Variants in NKAIN3 observed in about 807,000 individuals in gnomAD.
The protein encoded by NKAIN3 is sodium/potassium transporting ATPase interacting 3, also known as sodium/potassium-transporting ATPase subunit beta-1-interacting protein 3.
Under a neutral mutation model 30.2 loss-of-function variants are expected in NKAIN3, and 25 were observed. The ratio of observed to expected loss-of-function variants is 0.83; its 90% CI spans 0.60 to 1.16. The LOEUF is 1.16. NKAIN3 is among the 50% of genes most tolerant of loss of function. The pLI, the probability that NKAIN3 is intolerant of heterozygous loss-of-function variation, is 0.00. For synonymous variants in NKAIN3, 91 were observed against 89.6 expected, an observed-to-expected ratio of 1.02 and a Z score of -0.09; for missense variants, 225 against 254.1, an observed-to-expected ratio of 0.89 and a Z score of 0.78.
At chr8:62,930,548 C>G (rs993161305) in intron 5 of NKAIN3, among the ~76,000 whole-genome samples, 1 of 151,592 alleles carries the variant, frequency 6.6e-6, no homozygotes, top group Non-Finnish European at 1.5e-5. Flanking sequence ...GTCACAGCGA[C>G]CTGCCCTCTA....
chr8:62,921,218 A>C (rs1353037993), intron 5 of NKAIN3, among the ~76,000 whole-genome samples: 2 of 152,220 alleles, frequency 1.3e-5, no homozygotes, highest in South Asian at 2.1e-4. Context: ...GTCTAAGTAC[A>C]CTTCTGGAAA....
chr8:62,663,299 A>C (rs1812999575), intron 3 of NKAIN3, among the ~76,000 whole-genome samples: 1 of 152,226 alleles, frequency 6.6e-6, no homozygotes, highest in Non-Finnish European at 1.5e-5. Context: ...TTAAGGAATA[A>C]TGAGTTTGAA....
chr8:62,720,006 C>T (rs996496804), intron 3 of NKAIN3, among the ~76,000 whole-genome samples: 2 of 152,052 alleles, frequency 1.3e-5, no homozygotes, highest in Non-Finnish European at 2.9e-5. Flanking sequence ...ATCCGCCCGC[C>T]TCCGCCTGCC....
At chr8:62,894,411 T>C (rs1273313637) in intron 4 of NKAIN3, among the ~76,000 whole-genome samples, 1 of 152,212 alleles carries the variant, frequency 6.6e-6, no homozygotes, top group East Asian at 1.9e-4. Flanking sequence ...ATTTTCACAT[T>C]ACTTTTGTTT....
chr8:62,604,446 G>C (rs1387681410), intron 3 of NKAIN3, among the ~76,000 whole-genome samples: 1 of 152,148 alleles, frequency 6.6e-6, no homozygotes, highest in East Asian at 1.9e-4. Flanking sequence ...ACATCCAGCT[G>C]TCTATGCTCA....
chr8:62,754,655 TTG>T (rs1816393273), intron 4 of NKAIN3, among the ~76,000 whole-genome samples: 1 of 152,200 alleles, frequency 6.6e-6, no homozygotes, highest in Non-Finnish European at 1.5e-5. Context: ...GCCTTTTGCA[TTG>T]TATCTCTCTG....
intron 1 of NKAIN3, among the ~76,000 whole-genome samples, chr8:62,492,926 A>G (rs931802159): frequency 1.3e-5 from 2 of 152,072 alleles, no homozygotes; most frequent in Non-Finnish European, 2.9e-5. Flanking sequence ...TGAGTTCCTT[A>G]TAGATGCTGA....
intron 4 of NKAIN3, among the ~76,000 whole-genome samples, chr8:62,805,616 T>C (rs1221483855): frequency 6.6e-6 from 1 of 152,212 alleles, no homozygotes; most frequent in Admixed American, 6.5e-5. Flanking sequence ...AAGCTGAAAC[T>C]GGATCCCTTC....
chr8:62,431,534 T>C (rs1804997425), intron 1 of NKAIN3, among the ~76,000 whole-genome samples: 1 of 151,860 alleles, frequency 6.6e-6, no homozygotes, highest in African/African-American at 2.4e-5. Context: ...AATGTGGAAA[T>C]GGGAATGATG....
rs551429033 is a variant in NKAIN3, at chr8:62,560,820, G to A, written c.55-18719G>A. On this transcript the variant is annotated intron_variant, in intron 1 of 6. Transcript: ENST00000623646. ...CCTCCCAAAATGCTGGGATTACAGG[G>A]GTGAGCCATCACGGAATCTTTTCTC... Among the ~76,000 whole-genome samples the A allele has an allele frequency of 2.2e-3, 334 of 151,730 alleles. 1 individual carries two copies. The highest frequency in any genetic ancestry group is 3.1e-3 in the Non-Finnish European group (209 of 67,910).
chr8:62,564,112 G>T (rs1171625934), intron 1 of NKAIN3, among the ~76,000 whole-genome samples: 1 of 152,218 alleles, frequency 6.6e-6, no homozygotes, highest in Non-Finnish European at 1.5e-5. Context: ...TTCAATGATT[G>T]TAACATATCC....
rs919771361 is a variant in NKAIN3, at chr8:62,971,176, G to C, written c.*5769G>C. ...GTTTTGTATTCTGGCCTTGGAGGTG[G>C]AGAAGGAACAAAAGGAATGTTTCTT... On this transcript the variant is annotated 3_prime_UTR_variant, in exon 7 of 7. Transcript: ENST00000623646. Among the ~76,000 whole-genome samples the C allele has an allele frequency of 3.3e-5, 5 of 152,174 alleles. No homozygotes were observed. The East Asian group carries it at 9.6e-4, about 29-fold the overall frequency.
chr8:62,655,985 C>T (rs965540644), intron 3 of NKAIN3, among the ~76,000 whole-genome samples: 1 of 151,920 alleles, frequency 6.6e-6, no homozygotes, highest in African/African-American at 2.4e-5. Context: ...TTTGAATATC[C>T]AAATGAAATT....
At chr8:62,701,822 C>T (rs1053688349) in intron 3 of NKAIN3, among the ~76,000 whole-genome samples, 2 of 152,146 alleles carry the variant, frequency 1.3e-5, no homozygotes, top group African/African-American at 4.8e-5. Context: ...TTATTTGAAG[C>T]CTGTCTTGCA....
At chr8:62,520,425 A>T (rs1808120055) in intron 1 of NKAIN3, among the ~76,000 whole-genome samples, 1 of 152,136 alleles carries the variant, frequency 6.6e-6, no homozygotes, top group Non-Finnish European at 1.5e-5. Context: ...TCCAAATATT[A>T]TCACTTCCAT....
chr8:62,765,624 A>G (rs1000213801), intron 4 of NKAIN3, among the ~76,000 whole-genome samples: 8 of 152,212 alleles, frequency 5.3e-5, no homozygotes, highest in African/African-American at 1.7e-4. Context: ...TTTATATAAG[A>G]AGTTAATTAC....
intron 3 of NKAIN3, among the ~76,000 whole-genome samples, chr8:62,596,171 TTTC>T (rs1186836391): frequency 6.6e-6 from 1 of 152,042 alleles, no homozygotes; most frequent in Non-Finnish European, 1.5e-5. Flanking sequence ...AAAAGTATTT[TTTC>T]TTCTTCGGTG....
chr8:62,529,058 C>T (rs1412724602), intron 1 of NKAIN3, among the ~76,000 whole-genome samples: 1 of 152,108 alleles, frequency 6.6e-6, no homozygotes. Context: ...AGCTCTCAAT[C>T]TTTTTCTTCT....
intron 4 of NKAIN3, among the ~76,000 whole-genome samples, chr8:62,826,216 T>A (rs1819017773): frequency 6.6e-6 from 1 of 152,144 alleles, no homozygotes; most frequent in South Asian, 2.1e-4. Context: ...ATGAAGGCAA[T>A]TTGAGCCATA....
Sources: gnomAD v4.1 joint callset for allele counts (sites outside exome capture counted in the v4.1 genomes callset) on GRCh38, gnomAD v4.1.1 for gene constraint, MANE v1.5 for transcripts, NCBI Gene and HGNC (gene_info 2026-07-23, HGNC 2026-07-21) for gene names.